The following TENM1 variants were observed in gnomAD, a reference collection of about 807,000 sequenced individuals.
The protein encoded by TENM1 is teneurin-1.
TENM1 carries 35 observed loss-of-function variants against 174.8 expected under a neutral mutation model. That is an observed-to-expected ratio of 0.20 (90% confidence interval 0.15 to 0.27). The LOEUF (loss-of-function observed/expected upper bound fraction) is 0.27. TENM1 is among the 10% of genes least tolerant of loss of function. TENM1 has a pLI of 1.00. For synonymous variants in TENM1, 781 were observed against 798.7 expected (o/e 0.98, Z 0.37); for missense variants, 1,633 against 2,130.1 (o/e 0.77, Z 4.59).
the TENM1 span, among the ~76,000 whole-genome samples, chrX:125,090,942 G>C: frequency 4.2e-4 from 47 of 111,721 alleles, 1 homozygote; most frequent in East Asian, 0.011. Context: ...TTCAGATTAG[G>C]AAGGACTTTG....
At chrX:124,437,810 T>C (rs1195914974) in intron 23 of TENM1, among the ~76,000 whole-genome samples, 1 of 112,322 alleles carries the variant, frequency 8.9e-6, no homozygotes. Context: ...TGCTCTTTGT[T>C]ATGTATCTCA....
At chrX:124,563,410 A>ATTAAAAATTATTTAATAATTATTAAG (rs2048867114) in intron 13 of TENM1, among the ~76,000 whole-genome samples, 2 of 103,900 alleles carry the variant, frequency 1.9e-5, no homozygotes, top group African/African-American at 3.8e-5. Flanking sequence ...TAATTATTAA[A>ATTAAAAATTATTTAATAATTATTAAG]TTATTAAAAA....
At chrX:124,462,543 G>T (rs1343326954) in intron 22 of TENM1, among the ~76,000 whole-genome samples, 1 of 109,371 alleles carries the variant, frequency 9.1e-6, no homozygotes, top group East Asian at 2.9e-4. Flanking sequence ...GGCTTTTATA[G>T]GAAGTTTCCC....
At chrX:124,600,580 A>G (rs1444165512) in intron 11 of TENM1, among the ~76,000 whole-genome samples, 1 of 111,517 alleles carries the variant, frequency 9.0e-6, no homozygotes, top group Admixed American at 9.6e-5. Flanking sequence ...ATCAAAGTTA[A>G]CATTACCAGT....
At chrX:125,139,921 G>C in the TENM1 span, among the ~76,000 whole-genome samples, 2 of 109,703 alleles carry the variant, frequency 1.8e-5, no homozygotes, top group Non-Finnish European at 1.9e-5. Context: ...AGTAGAGAGA[G>C]AGTATTCAAG....
In TENM1 at chrX:124,945,784, T is replaced by C. The variant is rs758581802; in HGVS notation, c.217+17753A>G. 5.4e-5 allele frequency among the ~76,000 whole-genome samples: 6 copies of C among 110,712 alleles called. No homozygotes were observed. In the Admixed American group the frequency reaches 5.8e-4, roughly 11 times the overall value. On this transcript the variant is annotated intron_variant, in intron 1 of 31. Coordinates refer to ENST00000422452, the Ensembl canonical transcript of TENM1. ...AAGCAGACAGTGAAAGAAGGGATTGTGTGTAGGAAGTAAATTTTGGAAAGT... is the reference window on the plus strand; with the variant it reads ...AAGCAGACAGTGAAAGAAGGGATTGCGTGTAGGAAGTAAATTTTGGAAAGT...
chrX:124,627,479 C>G (rs960993086), intron 11 of TENM1, among the ~76,000 whole-genome samples: 1 of 111,687 alleles, frequency 9.0e-6, no homozygotes, highest in Non-Finnish European at 1.9e-5. Context: ...GCCGTTGCAT[C>G]CCCTAAAAAG....
At chrX:124,681,332 A>G (rs1569387736) in intron 5 of TENM1, among the ~76,000 whole-genome samples, 1 of 111,670 alleles carries the variant, frequency 9.0e-6, no homozygotes, top group Non-Finnish European at 1.9e-5. Context: ...ACAGATGAGG[A>G]GGTAGAGAGA....
the TENM1 span, among the ~76,000 whole-genome samples, chrX:125,187,947 T>C: frequency 1.8e-5 from 2 of 112,265 alleles, no homozygotes; most frequent in Non-Finnish European, 3.8e-5. Flanking sequence ...TCTGTGTATC[T>C]GTATTTTCTA....
At chrX:124,949,492 A>G (rs2058450859) in intron 1 of TENM1, among the ~76,000 whole-genome samples, 1 of 112,007 alleles carries the variant, frequency 8.9e-6, no homozygotes, top group Non-Finnish European at 1.9e-5. Context: ...TTAGTGCTAC[A>G]GTAGTAATAA....
intron 22 of TENM1, among the ~76,000 whole-genome samples, chrX:124,478,515 G>T (rs2147928885): frequency 8.9e-6 from 1 of 112,493 alleles, no homozygotes; most frequent in East Asian, 2.8e-4. Flanking sequence ...GATTTAGAGA[G>T]TAAATTAGCT....
the TENM1 span, among the ~76,000 whole-genome samples, chrX:125,170,469 CA>C: frequency 9.0e-6 from 1 of 111,633 alleles, no homozygotes; most frequent in Non-Finnish European, 1.9e-5. Context: ...GATGCATATT[CA>C]GGGGTTTCCT....
intron 27 of TENM1, among the ~76,000 whole-genome samples, chrX:124,398,345 T>A (rs1203810165): frequency 9.0e-6 from 1 of 111,129 alleles, no homozygotes; most frequent in East Asian, 2.9e-4. Flanking sequence ...TCCACAGATT[T>A]TTTTTTTTAT....
At chrX:124,803,317 C>T (rs1304051986) in intron 3 of TENM1, among the ~76,000 whole-genome samples, 1 of 112,173 alleles carries the variant, frequency 8.9e-6, no homozygotes, top group African/African-American at 3.2e-5. Context: ...GAGGCAACCA[C>T]TACCTTCAAG....
At chrX:124,569,950 C>T (rs1456824337) in intron 11 of TENM1, among the ~76,000 whole-genome samples, 1 of 110,751 alleles carries the variant, frequency 9.0e-6, no homozygotes, top group Non-Finnish European at 1.9e-5. Flanking sequence ...TGGCTCAGAC[C>T]AATAAAATTG....
chrX:124,922,044 G>A (rs1444227682), intron 1 of TENM1, among the ~76,000 whole-genome samples: 4 of 110,887 alleles, frequency 3.6e-5, no homozygotes, highest in South Asian at 3.8e-4. Context: ...TCTCCATTCC[G>A]ATTCATTTAT....
intron 13 of TENM1, 116 bp from the exon 17 acceptor site, chrX:124,561,933 T>A: frequency 1.4e-6 from 1 of 738,878 alleles, no homozygotes; most frequent in Non-Finnish European, 2.0e-6. Context: ...AGATGAGGTG[T>A]TGAATAAATG....
the TENM1 span, among the ~76,000 whole-genome samples, chrX:125,097,060 T>G: frequency 1.0e-3 from 113 of 110,072 alleles, no homozygotes; most frequent in Non-Finnish European, 1.9e-3. Flanking sequence ...CATGTAACAG[T>G]GCAGCCTTGT....
chrX:124,635,947 G>A (rs2148358277), intron 11 of TENM1, among the ~76,000 whole-genome samples: 1 of 112,179 alleles, frequency 8.9e-6, no homozygotes, highest in East Asian at 2.8e-4. Context: ...TAACCTTTGT[G>A]AAGTGTCGTG....
Sources: gnomAD v4.1 joint callset for allele counts (sites outside exome capture counted in the v4.1 genomes callset) on GRCh38, gnomAD v4.1.1 for gene constraint, MANE v1.5 for transcripts, NCBI Gene and HGNC (gene_info 2026-07-23, HGNC 2026-07-21) for gene names.